Variants in VSTM2L observed in about 807,000 individuals in gnomAD.
VSTM2L encodes V-set and transmembrane domain containing 2 like.
In VSTM2L, 9 loss-of-function variants were observed where a neutral mutation model predicts 19.9. The observed-to-expected ratio is 0.45, with a 90% CI of 0.27 to 0.79. The LOEUF (loss-of-function observed/expected upper bound fraction) is 0.79. Among genes scored for constraint, VSTM2L ranks in the 30% least tolerant of loss-of-function variants. VSTM2L has a pLI of 0.15. For synonymous variants in VSTM2L, 127 were observed against 133.8 expected (o/e 0.95, Z 0.35); for missense variants, 286 against 295.5 (o/e 0.97, Z 0.24).
chr20:37,929,648 C>T (rs1475181141), intron 1 of VSTM2L, among the ~76,000 whole-genome samples: 1 of 151,978 alleles, frequency 6.6e-6, no homozygotes, highest in East Asian at 1.9e-4. Context: ...AGAGTGGAAG[C>T]GGGAGGCCAG....
intron 1 of VSTM2L, among the ~76,000 whole-genome samples, chr20:37,906,570 G>A (rs940954417): frequency 6.6e-6 from 1 of 152,244 alleles, no homozygotes; most frequent in African/African-American, 2.4e-5. Flanking sequence ...TGCAAGGTTG[G>A]TGTTGGAGAT....
At chr20:37,927,708 G>A (rs114788093) in intron 1 of VSTM2L, among the ~76,000 whole-genome samples, 33 of 152,138 alleles carry the variant, frequency 2.2e-4, no homozygotes, top group African/African-American at 8.0e-4. Context: ...TGGCAGGGGC[G>A]GGGGGGCCGT....
At chr20:37,926,635 A>T (rs922332586) in intron 1 of VSTM2L, among the ~76,000 whole-genome samples, 5 of 152,242 alleles carry the variant, frequency 3.3e-5, no homozygotes, top group Non-Finnish European at 5.9e-5. Flanking sequence ...TTACTTTTGC[A>T]CTAACCTATA....
chr20:37,909,352 G>T (rs1390440978), intron 1 of VSTM2L, among the ~76,000 whole-genome samples: 1 of 152,142 alleles, frequency 6.6e-6, no homozygotes, highest in African/African-American at 2.4e-5. Context: ...ATGGTGTTGT[G>T]GGAAGACTCT....
At chr20:37,930,704 G>A (rs1322200099) in intron 1 of VSTM2L, among the ~76,000 whole-genome samples, 1 of 152,130 alleles carries the variant, frequency 6.6e-6, no homozygotes, top group Non-Finnish European at 1.5e-5. Flanking sequence ...GCTGGGCCAG[G>A]GGAACCGTAT....
intron 1 of VSTM2L, 105 bp from the exon 2 acceptor site, chr20:37,931,524 CACCCAT>C: frequency 8.3e-7 from 1 of 1,211,748 alleles, no homozygotes; most frequent in Admixed American, 2.0e-5. Context: ...CCACCCCCTC[CACCCAT>C]CCCCCGCCGT....
At chr20:37,922,840 G>A (rs1244848747) in intron 1 of VSTM2L, among the ~76,000 whole-genome samples, 1 of 152,178 alleles carries the variant, frequency 6.6e-6, no homozygotes, top group Non-Finnish European at 1.5e-5. Flanking sequence ...AGCCATGGGA[G>A]CACCAGAGGA....
rs546386129 is a variant in VSTM2L, at chr20:37,923,065, C to T, written c.122-8570C>T. Among the ~76,000 whole-genome samples, 4 of 152,300 alleles carry T rather than the reference C, an allele frequency of 2.6e-5. No homozygotes were observed. The South Asian group carries it at 8.3e-4, about 32-fold the overall frequency. On this transcript the variant is annotated intron_variant, in intron 1 of 3. Coordinates refer to ENST00000373461, the MANE Select transcript of VSTM2L (RefSeq NM_080607.3). ...ACTATGTGCCGTGAGGCGTGAGGCACATGTTGTCTTGTGTCATCCTCTCAT... is the reference window on the plus strand; with the variant it reads ...ACTATGTGCCGTGAGGCGTGAGGCATATGTTGTCTTGTGTCATCCTCTCAT...
chr20:37,921,838 C>CTTTTTTTTTTTT (rs756122087), intron 1 of VSTM2L, among the ~76,000 whole-genome samples: 2 of 91,784 alleles, frequency 2.2e-5, no homozygotes, highest in African/African-American at 1.0e-4. Context: ...CTTTCTTTTC[C>CTTTTTTTTTTTT]TTTTTTTTTT....
Position 37,903,392 on chromosome 20 carries a change from C to T in VSTM2L, c.42C>T (p.Tyr14=). 1 of 1,490,486 alleles carries T rather than the reference C, an allele frequency of 6.7e-7. No individual in the cohort carries two copies. The highest frequency in any genetic ancestry group is 8.9e-7 in the Non-Finnish European group (1 of 1,126,480). 92.3% of individuals were successfully genotyped at this position (1,490,486 alleles called of 1,614,324 possible). A position where few individuals can be genotyped will look rare whatever the true frequency, so the allele number is the denominator to read the frequency against. ...CCGTAGCGCTGGGCGCCCTCCACTA[C>T]CTGGCACTTTTCCTGCAACTCGGCG... The part of the protein sequence containing the change: ...PLAVALGALH[Y]LALFLQLGGA... The change falls in exon 1 of 4, where the codon TAC becomes TAT. Residue 14 remains tyrosine (Y), a synonymous_variant. Transcript: ENST00000373461.
chr20:37,907,418 T>C (rs2072756979), intron 1 of VSTM2L, among the ~76,000 whole-genome samples: 2 of 152,190 alleles, frequency 1.3e-5, no homozygotes, highest in Admixed American at 1.3e-4. Context: ...AATCTGCATT[T>C]TAATAAGTTC....
intron 1 of VSTM2L, among the ~76,000 whole-genome samples, chr20:37,918,193 C>T (rs1000632853): frequency 1.3e-5 from 2 of 152,166 alleles, no homozygotes; most frequent in African/African-American, 4.8e-5. Flanking sequence ...AGGGAAGTGG[C>T]AGGGAAGCTT....
rs188229799 is a variant in VSTM2L, at chr20:37,926,461, T to C, written c.122-5174T>C. 2.3e-3 allele frequency among the ~76,000 whole-genome samples: 344 copies of C among 152,164 alleles called. 1 individual carries two copies. Among genetic ancestry groups the C allele is most frequent in the African/African-American group, 7.7e-3 (320 of 41,516 alleles). On this transcript the variant is annotated intron_variant, in intron 1 of 3. Coordinates refer to ENST00000373461, the MANE Select transcript of VSTM2L (RefSeq NM_080607.3). Reference sequence around the variant, plus strand: ...CCCAGCTACTTGGGAGGCTGAGGCTTGAACCCGGGAGGCAGAGGTTGCAGT... The same window carrying C: ...CCCAGCTACTTGGGAGGCTGAGGCTCGAACCCGGGAGGCAGAGGTTGCAGT...
intron 3 of VSTM2L, among the ~76,000 whole-genome samples, chr20:37,942,694 T>G (rs2122981869): frequency 6.6e-6 from 1 of 152,320 alleles, no homozygotes; most frequent in African/African-American, 2.4e-5. Flanking sequence ...TCACGAGTGT[T>G]CCATGCTTTG....
At chr20:37,910,039 C>T (rs1386426111) in intron 1 of VSTM2L, among the ~76,000 whole-genome samples, 1 of 152,196 alleles carries the variant, frequency 6.6e-6, no homozygotes, top group Non-Finnish European at 1.5e-5. Context: ...CACTTCACCC[C>T]CAGTTTCAAC....
chr20:37,922,633 C>T (rs112181378), intron 1 of VSTM2L, among the ~76,000 whole-genome samples: 2 of 152,276 alleles, frequency 1.3e-5, no homozygotes, highest in African/African-American at 4.8e-5. Flanking sequence ...TCTCTGCAGG[C>T]ATCCTGGAGG....
chr20:37,912,433 AT>A (rs948994209), intron 1 of VSTM2L, among the ~76,000 whole-genome samples: 1 of 152,156 alleles, frequency 6.6e-6, no homozygotes, highest in African/African-American at 2.4e-5. Flanking sequence ...CTCTGGGGGC[AT>A]GTGTGAGACC....
rs1491221208 is a variant in VSTM2L at position 37,921,837 on chromosome 20, CCT to C, written c.122-9797_122-9796del. 4.4e-4 allele frequency among the ~76,000 whole-genome samples: 56 copies of C among 126,604 alleles called. No individual in the cohort carries two copies. In the East Asian group the frequency reaches 0.011, roughly 24 times the overall value. 83.1% of individuals were successfully genotyped at this position (126,604 alleles called of 152,430 possible). A position where few individuals can be genotyped will look rare whatever the true frequency, so the allele number is the denominator to read the frequency against. ...CTTTCTCTCTTTCTTTCTTTCTTTT[CCT>C]TTTTTTTTTTTTTTTTTTTTTGAGA... On this transcript the variant is annotated intron_variant, in intron 1 of 3. Transcript: ENST00000373461.
chr20:37,941,604 C>T (rs2072972597), intron 3 of VSTM2L, among the ~76,000 whole-genome samples: 1 of 152,270 alleles, frequency 6.6e-6, no homozygotes, highest in Admixed American at 6.5e-5. Flanking sequence ...CACCTGGAGC[C>T]AGAAGTTGGG....
Sources: gnomAD v4.1 joint callset for allele counts (sites outside exome capture counted in the v4.1 genomes callset) on GRCh38, gnomAD v4.1.1 for gene constraint, MANE v1.5 for transcripts, NCBI Gene and HGNC (gene_info 2026-07-23, HGNC 2026-07-21) for gene names.